Variants in SLC22A3 observed in about 807,000 individuals in gnomAD.
SLC22A3 encodes solute carrier family 22 member 3.
A neutral mutation model predicts 59.1 loss-of-function variants in SLC22A3; 51 were observed. The ratio of observed to expected loss-of-function variants is 0.86; its 90% CI spans 0.69 to 1.09. The LOEUF (loss-of-function observed/expected upper bound fraction) is 1.09, where lower values mean the gene tolerates loss of function less well. SLC22A3 is among the 50% of genes least tolerant of loss of function. SLC22A3 has a pLI of 0.00. For synonymous variants in SLC22A3, 325 were observed against 292.0 expected (o/e 1.11, Z -1.15); for missense variants, 711 against 726.3 (o/e 0.98, Z 0.24).
Position 160,448,426 on chromosome 6 carries a change from T to C in SLC22A3, c.1610+608T>C, listed in dbSNP as rs190255981. Among the ~76,000 whole-genome samples the C allele has an allele frequency of 1.1e-4, 17 of 152,204 alleles. No homozygotes were observed. The East Asian group carries it at 3.1e-3, about 28-fold the overall frequency. ...TCATAGATAGATAAGTGATAGTAGA[T>C]AAATGATAAATAATAGATGATAGAT... On this transcript the variant is annotated intron_variant, in intron 10 of 10. Transcript: ENST00000275300.
At chr6:160,412,436 T>G (rs7745775) in intron 5 of SLC22A3, among the ~76,000 whole-genome samples, 38,804 of 152,072 alleles carry the variant, frequency 0.26, 5,144 homozygotes, top group Admixed American at 0.33. Context: ...ATATTTGGAT[T>G]TCTGCCTTCT....
intron 1 of SLC22A3, among the ~76,000 whole-genome samples, chr6:160,393,651 G>C (rs1056584161): frequency 1.3e-5 from 2 of 152,034 alleles, no homozygotes; most frequent in Non-Finnish European, 1.5e-5. Flanking sequence ...AGTATTCCAT[G>C]GTGTATATAT....
At chr6:160,403,677 A>T (rs1025602806) in intron 2 of SLC22A3, among the ~76,000 whole-genome samples, 7 of 84,530 alleles carry the variant, frequency 8.3e-5, no homozygotes, top group African/African-American at 2.5e-4. Context: ...AATAGTGTAT[A>T]AAAAAAATTA....
At chr6:160,435,078 C>A (rs1297720334) in intron 5 of SLC22A3, among the ~76,000 whole-genome samples, 2 of 152,138 alleles carry the variant, frequency 1.3e-5, no homozygotes, top group African/African-American at 2.4e-5. Flanking sequence ...CCCCTACAAC[C>A]ACCTCATTGC....
intron 5 of SLC22A3, among the ~76,000 whole-genome samples, chr6:160,417,791 G>A (rs1787561819): frequency 6.6e-6 from 1 of 152,070 alleles, no homozygotes. Context: ...TTGTGTGGTT[G>A]GGCTTTATCT....
At chr6:160,357,924 T>C (rs1245312202) in intron 1 of SLC22A3, among the ~76,000 whole-genome samples, 2 of 152,242 alleles carry the variant, frequency 1.3e-5, no homozygotes, top group Non-Finnish European at 2.9e-5. Context: ...TCACATCTCT[T>C]GTCAGCTCCT....
chr6:160,352,376 A>G (rs572397287), intron 1 of SLC22A3, among the ~76,000 whole-genome samples: 1 of 152,308 alleles, frequency 6.6e-6, no homozygotes, highest in South Asian at 2.1e-4. Context: ...TTGTTGTCAG[A>G]TATTGGGCAG....
intron 5 of SLC22A3, among the ~76,000 whole-genome samples, chr6:160,418,864 T>G (rs1787614847): frequency 6.6e-6 from 1 of 152,234 alleles, no homozygotes. Flanking sequence ...TATCCTATAC[T>G]GGCGCAATAA....
intron 1 of SLC22A3, 34 bp downstream of exon 1, chr6:160,348,882 G>A (rs1413571325): frequency 1.9e-5 from 29 of 1,547,254 alleles, no homozygotes; most frequent in Non-Finnish European, 2.3e-5. Flanking sequence ...AAGCCGGCGG[G>A]AGAGGACGAT....
intron 1 of SLC22A3, among the ~76,000 whole-genome samples, chr6:160,369,020 G>C (rs1408194723): frequency 1.3e-5 from 2 of 152,190 alleles, no homozygotes; most frequent in East Asian, 3.8e-4. Flanking sequence ...TCTGTAGAAA[G>C]CATTCTATTT....
chr6:160,416,792 C>T (rs528323611), intron 5 of SLC22A3, among the ~76,000 whole-genome samples: 1 of 152,286 alleles, frequency 6.6e-6, no homozygotes, highest in East Asian at 1.9e-4. Flanking sequence ...ATATGATAGA[C>T]AAGTAATAGT....
chr6:160,412,087 T>A (rs977817009), intron 5 of SLC22A3, among the ~76,000 whole-genome samples: 3 of 151,930 alleles, frequency 2.0e-5, no homozygotes, highest in African/African-American at 7.3e-5. Context: ...TGGGGCTGGG[T>A]GCGGTGGCTC....
intron 5 of SLC22A3, among the ~76,000 whole-genome samples, chr6:160,427,608 T>A (rs1320164245): frequency 6.6e-6 from 1 of 152,230 alleles, no homozygotes; most frequent in Non-Finnish European, 1.5e-5. Context: ...AAGACCATGT[T>A]CCCATAGAAA....
chr6:160,434,258 T>G (rs753494881), intron 5 of SLC22A3, among the ~76,000 whole-genome samples: 1 of 152,228 alleles, frequency 6.6e-6, no homozygotes, highest in African/African-American at 2.4e-5. Flanking sequence ...AATTAAAGAT[T>G]CAGTTTTAGG....
chr6:160,380,566 A>C (rs1013511516), intron 1 of SLC22A3, among the ~76,000 whole-genome samples: 1 of 152,242 alleles, frequency 6.6e-6, no homozygotes, highest in African/African-American at 2.4e-5. Context: ...AGGCATAAAT[A>C]CATAGACAAA....
rs116828159 is a variant in SLC22A3 at position 160,434,277 on chromosome 6, A to G, written c.976-2503A>G. ...AAAGATTCAGTTTTAGGTCAAGTGC[A>G]CAGTGTCTTTCTTTAAAAATATTTA... is the stretch of plus-strand genomic sequence containing the variant. On this transcript the variant is annotated intron_variant, in intron 5 of 10. Transcript: ENST00000275300. 7.2e-5 allele frequency among the ~76,000 whole-genome samples: 11 copies of G among 152,368 alleles called. No homozygotes were observed. In the South Asian group the frequency reaches 1.9e-3, roughly 26 times the overall value.
intron 5 of SLC22A3, among the ~76,000 whole-genome samples, chr6:160,436,445 C>T (rs540471461): frequency 7.9e-5 from 12 of 152,272 alleles, no homozygotes; most frequent in African/African-American, 2.2e-4. Context: ...TAAAGAAACC[C>T]TTAATTGGTT....
intron 1 of SLC22A3, among the ~76,000 whole-genome samples, chr6:160,393,425 G>A (rs1786341870): frequency 1.3e-5 from 2 of 149,626 alleles, no homozygotes; most frequent in Admixed American, 1.3e-4. Context: ...ATCTCCTAAT[G>A]CTATCCCTCC....
At chr6:160,416,497 C>T (rs559019519) in intron 5 of SLC22A3, among the ~76,000 whole-genome samples, 3 of 151,912 alleles carry the variant, frequency 2.0e-5, no homozygotes, top group African/African-American at 7.2e-5. Context: ...GGTAAGTCTA[C>T]AATAATGATA....
Sources: allele counts gnomAD v4.1 joint callset (sites outside exome capture counted in the v4.1 genomes callset), GRCh38; gene constraint gnomAD v4.1.1; transcripts MANE v1.5; gene names NCBI Gene and HGNC (gene_info 2026-07-23, HGNC 2026-07-21).